NRXN1: variants seen among roughly 807,000 people sequenced by gnomAD.
NRXN1 encodes the protein neurexin-1.
Under a neutral mutation model 150.9 loss-of-function variants are expected in NRXN1, and 39 were observed. The ratio of observed to expected loss-of-function variants is 0.26; its 90% CI spans 0.20 to 0.34. NRXN1 has a LOEUF of 0.34. Ranked by LOEUF, NRXN1 falls within the 10% of genes least tolerant of loss-of-function variation. The pLI is 1.00. For missense variants in NRXN1, 1,815 were observed against 1,949.9 expected, an observed-to-expected ratio of 0.93 and a Z score of 1.30; for synonymous variants, 924 against 757.0, an observed-to-expected ratio of 1.22 and a Z score of -3.62.
At chr2:50,488,030 T>A (rs1480659324) in intron 15 of NRXN1, among the ~76,000 whole-genome samples, 1 of 152,198 alleles carries the variant, frequency 6.6e-6, no homozygotes. Context: ...AGTTTCATCA[T>A]CTAAACATTT....
intron 8 of NRXN1, among the ~76,000 whole-genome samples, chr2:50,581,511 G>A (rs1672257700): frequency 6.6e-6 from 1 of 152,150 alleles, no homozygotes; most frequent in South Asian, 2.1e-4. Flanking sequence ...ACAACTAAAA[G>A]GTTGAATTTA....
chr2:50,556,916 T>C (rs527864783), intron 8 of NRXN1, among the ~76,000 whole-genome samples: 3 of 152,268 alleles, frequency 2.0e-5, no homozygotes, highest in South Asian at 2.1e-4. Context: ...ATTCTTGAGC[T>C]TTTTTTACCC....
intron 5 of NRXN1, among the ~76,000 whole-genome samples, chr2:50,623,897 T>G (rs1457743532): frequency 1.3e-5 from 2 of 152,114 alleles, no homozygotes; most frequent in Admixed American, 1.3e-4. Context: ...TAACTCGTCA[T>G]TTAGCATAAC....
At chr2:50,743,841 C>T (rs921583339) in intron 5 of NRXN1, among the ~76,000 whole-genome samples, 2 of 152,104 alleles carry the variant, frequency 1.3e-5, no homozygotes. Context: ...AGAATTTGAT[C>T]ACACATTTCT....
chr2:50,183,555 A>AT (rs2060875332), intron 18 of NRXN1, among the ~76,000 whole-genome samples: 1 of 151,662 alleles, frequency 6.6e-6, no homozygotes, highest in Admixed American at 6.6e-5. Flanking sequence ...TAAATGTGGG[A>AT]TTTTGTTGTT....
At chr2:50,101,393 G>A (rs1385634626) in intron 18 of NRXN1, among the ~76,000 whole-genome samples, 1 of 151,954 alleles carries the variant, frequency 6.6e-6, no homozygotes, top group Non-Finnish European at 1.5e-5. Flanking sequence ...TCCTATAAAA[G>A]AGCTTTGGGA....
chr2:50,399,065 T>C (rs2082230109), intron 17 of NRXN1, among the ~76,000 whole-genome samples: 1 of 152,170 alleles, frequency 6.6e-6, no homozygotes, highest in Admixed American at 6.5e-5. Context: ...AAAGTAAAAC[T>C]CAAATAGAGA....
intron 17 of NRXN1, among the ~76,000 whole-genome samples, chr2:50,463,675 G>C (rs557401113): frequency 2.6e-5 from 4 of 151,822 alleles, no homozygotes; most frequent in African/African-American, 9.6e-5. Flanking sequence ...TGTTTCTTTA[G>C]GGAAAGTCTA....
chr2:50,655,791 C>T (rs1013038074), intron 5 of NRXN1, among the ~76,000 whole-genome samples: 3 of 151,738 alleles, frequency 2.0e-5, no homozygotes, highest in South Asian at 2.1e-4. Context: ...ACTTTGTAAT[C>T]GTGTACATTG....
chr2:50,237,491 AG>A (rs2065571482), intron 17 of NRXN1, among the ~76,000 whole-genome samples: 1 of 151,932 alleles, frequency 6.6e-6, no homozygotes, highest in Admixed American at 6.6e-5. Context: ...ATGGATGAAT[AG>A]CCACAAGCCC....
intron 2 of NRXN1, among the ~76,000 whole-genome samples, chr2:50,954,100 T>G (rs1305830629): frequency 6.6e-6 from 1 of 152,190 alleles, no homozygotes. Context: ...TACATTTTAA[T>G]GAAGTTAATC....
intron 21 of NRXN1, among the ~76,000 whole-genome samples, chr2:50,041,326 A>C (rs1242614609): frequency 6.6e-6 from 1 of 152,056 alleles, no homozygotes; most frequent in African/African-American, 2.4e-5. Context: ...ACATGCTTAA[A>C]CTCTGCAATG....
In NRXN1 at chr2:50,053,289, T is replaced by G; in HGVS notation, c.4110A>C (p.Thr1370=). ...GGCTCACCTGGCTAATGGGTTCTTTTGTCGGGGGCTTTCCTCTTCTGGCTG... is the reference window on the plus strand; with the variant it reads ...GGCTCACCTGGCTAATGGGTTCTTTGGTCGGGGGCTTTCCTCTTCTGGCTG... ...TSTARRGKPP[T]KEPISQTTDD... The change falls in exon 21 of 23, where the codon ACA becomes ACC. Residue 1370 remains threonine, a synonymous_variant. Transcript: ENST00000401669. 1 of 1,613,986 alleles carries G rather than the reference T, an allele frequency of 6.2e-7. No individual in the cohort carries two copies. The highest frequency in any genetic ancestry group is 2.2e-5 in the East Asian group (1 of 44,868).
chr2:50,023,379 T>A (rs2152561654), intron 21 of NRXN1: 1 of 152,298 alleles, frequency 6.6e-6, no homozygotes, highest in South Asian at 2.1e-4. Flanking sequence ...ACAGTTCCCC[T>A]GGTACTGTCC....
intron 7 of NRXN1, among the ~76,000 whole-genome samples, chr2:50,620,810 T>TA (rs1195958900): frequency 3.9e-5 from 6 of 151,950 alleles, no homozygotes; most frequent in Non-Finnish European, 7.4e-5. Context: ...AACATAAAAA[T>TA]AAAAACAACT....
chr2:50,610,574 T>C (rs1244288502), intron 8 of NRXN1, among the ~76,000 whole-genome samples: 1 of 143,196 alleles, frequency 7.0e-6, no homozygotes, highest in Non-Finnish European at 1.5e-5. Context: ...GATTCCTGAG[T>C]GCATTATCTT....
intron 5 of NRXN1, chr2:50,632,485 T>C (rs1682514260): frequency 6.6e-6 from 1 of 152,022 alleles, no homozygotes; most frequent in Non-Finnish European, 1.5e-5. Flanking sequence ...TGAAGGACAG[T>C]ATCATCAGCA....
At chr2:50,804,102 T>C (rs1667199702) in intron 5 of NRXN1, among the ~76,000 whole-genome samples, 1 of 152,212 alleles carries the variant, frequency 6.6e-6, no homozygotes, top group Admixed American at 6.5e-5. Flanking sequence ...TTCCAATTCT[T>C]ACCCCTTTCA....
chr2:50,916,968 G>C (rs1018537417), intron 5 of NRXN1: 1 of 151,660 alleles, frequency 6.6e-6, no homozygotes, highest in African/African-American at 2.4e-5. Context: ...AGATGAACTA[G>C]TAAACAAACA....
Sources: gnomAD v4.1 joint callset for allele counts (sites outside exome capture counted in the v4.1 genomes callset) on GRCh38, gnomAD v4.1.1 for gene constraint, MANE v1.5 for transcripts, NCBI Gene and HGNC (gene_info 2026-07-23, HGNC 2026-07-21) for gene names.